OPN3: variants seen among roughly 807,000 people sequenced by gnomAD.
OPN3 encodes the protein opsin 3.
OPN3 carries 29 observed loss-of-function variants against 33.8 expected under a neutral mutation model. The ratio of observed to expected loss-of-function variants is 0.86; its 90% CI spans 0.64 to 1.17. The LOEUF (loss-of-function observed/expected upper bound fraction) is 1.17, where lower values mean the gene tolerates loss of function less well. OPN3 is among the 50% of genes most tolerant of loss of function. The probability of loss-of-function intolerance (pLI) is 0.00; values close to 1 mark genes in which losing one functional copy is unlikely to be tolerated. For missense variants in OPN3, 437 were observed against 514.1 expected (o/e 0.85, Z 1.45); for synonymous variants, 216 against 216.1 (o/e 1.00, Z 0.00).
intron 1 of OPN3, among the ~76,000 whole-genome samples, chr1:241,628,442 A>C (rs1177150217): frequency 6.6e-6 from 1 of 152,154 alleles, no homozygotes; most frequent in Admixed American, 6.5e-5. Context: ...ACTGGAAGAA[A>C]GGGTCTGTCG....
At chr1:241,612,779 G>A (rs1316987511) in intron 1 of OPN3, among the ~76,000 whole-genome samples, 2 of 152,098 alleles carry the variant, frequency 1.3e-5, no homozygotes, top group East Asian at 1.9e-4. Context: ...AGGATCCCAC[G>A]AGAAGCTGAC....
chr1:241,640,030 G>A lies in OPN3; in HGVS notation c.225C>T (p.Pro75=), dbSNP rs142966339. 3.0e-4 allele frequency: 476 copies of A among 1,613,356 alleles called. No homozygotes were observed. Among genetic ancestry groups the A allele is most frequent in the Non-Finnish European group, 4.0e-4 (468 of 1,179,694 alleles). The change falls in exon 1 of 4, where the codon CCC becomes CCT. Residue 75 remains proline, a synonymous_variant. Coordinates refer to ENST00000366554, the MANE Select transcript of OPN3 (RefSeq NM_014322.3). ...LYYKFQRLRT[P]THLLLVNISL... is the part of the protein sequence containing the mutation. ...TGATGTTGACCAGGAGGAGGTGAGT[G>A]GGAGTGCGGAGCCGCTGGAACTTGT... is the stretch of plus-strand genomic sequence containing the variant.
At chr1:241,623,299 A>G (rs1247925342) in intron 1 of OPN3, among the ~76,000 whole-genome samples, 8 of 152,196 alleles carry the variant, frequency 5.3e-5, no homozygotes, top group Middle Eastern at 6.8e-3. Flanking sequence ...CAGTTCTCAA[A>G]TCTGTCCTTT....
chr1:241,616,336 C>T lies in OPN3; in HGVS notation c.374-11757G>A, dbSNP rs74528863. ...GAATAATGACCTGCAAAGCTCCCTT[C>T]GCATAGCATGCTGGCTATTAAGAAA... On this transcript the variant is annotated intron_variant, in intron 1 of 3. Coordinates refer to ENST00000366554, the MANE Select transcript of OPN3 (RefSeq NM_014322.3). Among the ~76,000 whole-genome samples the T allele has an allele frequency of 9.3e-3, 1,412 of 152,260 alleles. 18 individuals are homozygous for T. Among genetic ancestry groups the T allele is most frequent in the African/African-American group, 0.032 (1,345 of 41,546 alleles).
intron 1 of OPN3, chr1:241,629,557 T>A (rs1020245128): frequency 1.4e-4 from 21 of 152,090 alleles, no homozygotes; most frequent in Non-Finnish European, 2.2e-4. Context: ...GTAATGCAAA[T>A]AGCTTCTTTT....
chr1:241,617,040 TATG>T (rs1247848389), intron 1 of OPN3, among the ~76,000 whole-genome samples: 1 of 152,260 alleles, frequency 6.6e-6, no homozygotes, highest in Non-Finnish European at 1.5e-5. Flanking sequence ...CTTTATTTCA[TATG>T]ATATTTTATA....
At chr1:241,636,832 A>G (rs1013194489) in intron 1 of OPN3, among the ~76,000 whole-genome samples, 1 of 152,196 alleles carries the variant, frequency 6.6e-6, no homozygotes, top group East Asian at 1.9e-4. Context: ...ATTTGAATAC[A>G]GTGATGTTTG....
intron 1 of OPN3, among the ~76,000 whole-genome samples, chr1:241,638,380 C>G (rs765305433): frequency 1.3e-5 from 2 of 152,148 alleles, no homozygotes; most frequent in Non-Finnish European, 2.9e-5. Context: ...ACTCAGTACA[C>G]CCTTGTGTTC....
chr1:241,635,192 G>A (rs1664837899), intron 1 of OPN3: 4 of 1,612,900 alleles, frequency 2.5e-6, no homozygotes, highest in Non-Finnish European at 3.4e-6. Context: ...ATCTTTATCT[G>A]AAACTGTGTG....
intron 1 of OPN3, chr1:241,635,560 C>A (rs1454749153): frequency 6.2e-7 from 1 of 1,614,034 alleles, no homozygotes; most frequent in African/African-American, 1.3e-5. Context: ...TACTTTCTTC[C>A]CCAATGTCAT....
intron 3 of OPN3, 87 bp from the exon 4 acceptor site, chr1:241,594,778 T>TTTAAG: frequency 6.7e-7 from 1 of 1,489,776 alleles, no homozygotes; most frequent in Non-Finnish European, 9.1e-7. Flanking sequence ...TTGAGCTGAA[T>TTTAAG]TTAAGTTGTT....
chr1:241,623,672 G>A (rs894648140), intron 1 of OPN3, among the ~76,000 whole-genome samples: 10 of 152,124 alleles, frequency 6.6e-5, no homozygotes, highest in African/African-American at 2.4e-4. Context: ...AGACATTCTC[G>A]ATTTCTTTCC....
At chr1:241,626,476 T>A (rs1243841312) in intron 1 of OPN3, among the ~76,000 whole-genome samples, 1 of 152,184 alleles carries the variant, frequency 6.6e-6, no homozygotes, top group Non-Finnish European at 1.5e-5. Flanking sequence ...CAGGGGTCAT[T>A]ACCAATGTTA....
intron 1 of OPN3, 96 bp downstream of exon 1, chr1:241,639,786 T>C: frequency 9.4e-7 from 1 of 1,068,494 alleles, no homozygotes; most frequent in Non-Finnish European, 1.2e-6. Context: ...CGGGAAGCGG[T>C]GCGGGGCGGG....
Position 241,640,107 on chromosome 1 carries a change from A to G in OPN3, c.148T>C (p.Ser50Pro). The G allele has an allele frequency of 1.2e-6, 2 of 1,602,220 alleles. No homozygotes were observed. Among genetic ancestry groups the G allele is most frequent in the Non-Finnish European group, 1.7e-6 (2 of 1,175,336 alleles). ...TTGCCGACGCCCAGCAGCCCAATGG[A>G]GCCCAGCAGCAGCGCCAGGCGCTCG... is the stretch of plus-strand genomic sequence containing the variant. ...TYERLALLLG[S>P]IGLLGVGNNL... Residue 50 changes from serine (S) to proline (P), a missense_variant, in exon 1 of 4, where the codon TCC (serine) becomes CCC (proline). Physicochemically the swap from Ser to Pro is moderately conservative, Grantham distance 74 (BLOSUM62 -1). Transcript: ENST00000366554.
chr1:241,593,789 G>T lies in OPN3; in HGVS notation c.*639C>A, dbSNP rs1231275725. On this transcript the variant is annotated 3_prime_UTR_variant, in exon 4 of 4. Coordinates refer to ENST00000366554, the MANE Select transcript of OPN3 (RefSeq NM_014322.3). ...AAGAAAAAGAGCTTTGAGTCTGTAG[G>T]GGCAGCAATTTGGGGGAAGCAAATA... 6.5e-6 allele frequency: 1 copy of T among 154,336 alleles called. No homozygotes were observed. Among genetic ancestry groups the T allele is most frequent in the African/African-American group, 2.4e-5 (1 of 41,426 alleles). The allele number at this position is 154,336 out of a possible 1,614,324, so 9.6% of individuals were successfully genotyped here. A position where few individuals can be genotyped will look rare whatever the true frequency, so the allele number is the denominator to read the frequency against.
At chr1:241,623,001 C>T (rs188460550) in intron 1 of OPN3, among the ~76,000 whole-genome samples, 7 of 152,060 alleles carry the variant, frequency 4.6e-5, no homozygotes, top group South Asian at 4.2e-4. Flanking sequence ...AGTACTGGCA[C>T]GCTCTGACTC....
At position 241,640,311 on chromosome 1, in the gene OPN3, G is replaced by C. The variant is rs1274936063; in HGVS notation, c.-57C>G. 2 of 1,100,440 alleles carry C rather than the reference G, an allele frequency of 1.8e-6. No individual in the cohort carries two copies. Among genetic ancestry groups the C allele is most frequent in the Admixed American group, 1.0e-4 (2 of 19,534 alleles). The allele number at this position is 1,100,440 out of a possible 1,614,324, so 68.2% of individuals were successfully genotyped here. ...GCGCTCAGCTTGCGGCGGGGCTCGC[G>C]GCGCGCTCCGCACTGGGTGGGGTTG... is the stretch of plus-strand genomic sequence containing the variant. On this transcript the variant is annotated 5_prime_UTR_variant, in exon 1 of 4. Transcript: ENST00000366554.
At chr1:241,635,645 C>CT (rs1281852133) in intron 1 of OPN3, 2 of 1,614,074 alleles carry the variant, frequency 1.2e-6, no homozygotes, top group Non-Finnish European at 1.7e-6. Context: ...TCCATAGTAG[C>CT]TTCTTGAATC....
Sources: gnomAD v4.1 joint callset for allele counts (sites outside exome capture counted in the v4.1 genomes callset) on GRCh38, gnomAD v4.1.1 for gene constraint, MANE v1.5 for transcripts, NCBI Gene and HGNC (gene_info 2026-07-23, HGNC 2026-07-21) for gene names.